The following NALF1 variants were observed in gnomAD, a reference collection of about 807,000 sequenced individuals.
NALF1 encodes NALCN channel auxiliary factor 1, also known as family with sequence similarity 155 member A.
Under a neutral mutation model 48.4 loss-of-function variants are expected in NALF1, and 3 were observed. That is an observed-to-expected ratio of 0.06 (90% confidence interval 0.03 to 0.16). NALF1 has a LOEUF of 0.16. Among genes scored for constraint, NALF1 ranks in the 10% least tolerant of loss-of-function variants. The pLI is 1.00. For synonymous variants in NALF1, 262 were observed against 245.7 expected, an observed-to-expected ratio of 1.07 and a Z score of -0.62; for missense variants, 526 against 571.5, an observed-to-expected ratio of 0.92 and a Z score of 0.81.
intron 1 of NALF1, among the ~76,000 whole-genome samples, chr13:107,714,492 A>T (rs1459318149): frequency 1.3e-5 from 2 of 151,832 alleles, no homozygotes; most frequent in African/African-American, 4.8e-5. Flanking sequence ...ACATGGTAAA[A>T]CCCTATCTCT....
At chr13:107,830,632 G>A (rs1425998150) in intron 1 of NALF1, among the ~76,000 whole-genome samples, 2 of 152,118 alleles carry the variant, frequency 1.3e-5, no homozygotes, top group Non-Finnish European at 2.9e-5. Flanking sequence ...TCAATTTCGG[G>A]GAGCGGGGGG....
chr13:107,481,298 C>T (rs962268650), intron 1 of NALF1, among the ~76,000 whole-genome samples: 2 of 152,056 alleles, frequency 1.3e-5, no homozygotes, highest in Admixed American at 6.6e-5. Flanking sequence ...ACTGCCCATC[C>T]CTAAAATGCC....
At chr13:107,382,739 TG>T (rs1458374790) in intron 1 of NALF1, among the ~76,000 whole-genome samples, 1 of 152,196 alleles carries the variant, frequency 6.6e-6, no homozygotes, top group Non-Finnish European at 1.5e-5. Context: ...ATTGGTCGTT[TG>T]GTAAAATGCC....
At chr13:107,205,096 G>A (rs1162139597) in intron 2 of NALF1, among the ~76,000 whole-genome samples, 2 of 151,806 alleles carry the variant, frequency 1.3e-5, no homozygotes, top group Admixed American at 6.6e-5. Flanking sequence ...CGCTGGTGGA[G>A]CTGCACCCAC....
At chr13:107,288,526 CTT>C (rs368901866) in intron 1 of NALF1, among the ~76,000 whole-genome samples, 11 of 119,074 alleles carry the variant, frequency 9.2e-5, no homozygotes, top group Non-Finnish European at 1.0e-4. Flanking sequence ...AGCCTGAAAA[CTT>C]TTTTTTTTTT....
chr13:107,699,244 T>G (rs1471292040), intron 1 of NALF1, among the ~76,000 whole-genome samples: 1 of 152,052 alleles, frequency 6.6e-6, no homozygotes, highest in Non-Finnish European at 1.5e-5. Flanking sequence ...TGAATCTTTC[T>G]CAAATAAATA....
At chr13:107,831,781 A>G (rs760207028) in intron 1 of NALF1, among the ~76,000 whole-genome samples, 1 of 152,222 alleles carries the variant, frequency 6.6e-6, no homozygotes, top group Non-Finnish European at 1.5e-5. Flanking sequence ...GTTGAAAACA[A>G]TGTATGCCAC....
chr13:107,349,043 A>T (rs546969949), intron 1 of NALF1, among the ~76,000 whole-genome samples: 1 of 152,332 alleles, frequency 6.6e-6, no homozygotes, highest in South Asian at 2.1e-4. Flanking sequence ...CCAGTACTGC[A>T]CACTGTGTGT....
At chr13:107,508,758 C>A (rs1158054233) in intron 1 of NALF1, among the ~76,000 whole-genome samples, 2 of 152,010 alleles carry the variant, frequency 1.3e-5, no homozygotes, top group Non-Finnish European at 2.9e-5. Flanking sequence ...CCCAATCTCA[C>A]AACTGATGCA....
intron 1 of NALF1, among the ~76,000 whole-genome samples, chr13:107,559,641 C>A (rs1001380137): frequency 2.0e-5 from 3 of 152,078 alleles, no homozygotes; most frequent in Non-Finnish European, 2.9e-5. Flanking sequence ...TTCTCCTCTG[C>A]GTCCTTATAA....
chr13:107,268,424 C>CCA (rs59222169), intron 1 of NALF1, among the ~76,000 whole-genome samples: 26 of 151,354 alleles, frequency 1.7e-4, no homozygotes, highest in South Asian at 2.1e-4. Flanking sequence ...TATACAACAC[C>CCA]CACACACACA....
intron 1 of NALF1, among the ~76,000 whole-genome samples, chr13:107,722,167 T>C (rs1313646259): frequency 6.6e-6 from 1 of 152,092 alleles, no homozygotes; most frequent in Non-Finnish European, 1.5e-5. Flanking sequence ...CACATGGTCT[T>C]ATCATAAAGG....
chr13:107,822,540 A>T (rs942269257), intron 1 of NALF1, among the ~76,000 whole-genome samples: 1 of 152,210 alleles, frequency 6.6e-6, no homozygotes, highest in Non-Finnish European at 1.5e-5. Flanking sequence ...TACACACCCC[A>T]AAATGAGAAC....
Position 107,292,376 on chromosome 13 carries a change from T to G in NALF1, c.916-81621A>C, listed in dbSNP as rs183407299. On this transcript the variant is annotated intron_variant, in intron 1 of 2. Coordinates refer to ENST00000375915, the MANE Select transcript of NALF1 (RefSeq NM_001080396.3). ...TTACTGTACACTAATTTTTTTAAAC[T>G]TTTTTTCTCTTTTGTAATAACACTT... is the stretch of plus-strand genomic sequence containing the variant. 1.0e-3 allele frequency among the ~76,000 whole-genome samples: 159 copies of G among 152,314 alleles called. 2 individuals carry two copies. Among genetic ancestry groups the G allele is most frequent in the Middle Eastern group, 6.8e-3 (2 of 292 alleles).
chr13:107,230,931 A>G (rs1190987052), intron 1 of NALF1, among the ~76,000 whole-genome samples: 2 of 151,906 alleles, frequency 1.3e-5, no homozygotes, highest in East Asian at 3.9e-4. Context: ...ATTGGGGTGT[A>G]TGCCTATAAT....
intron 1 of NALF1, among the ~76,000 whole-genome samples, chr13:107,760,783 T>C (rs1877239975): frequency 6.6e-6 from 1 of 152,220 alleles, no homozygotes; most frequent in South Asian, 2.1e-4. Context: ...GTGCTCTTCC[T>C]TCTTCTATAG....
chr13:107,524,449 T>A (rs1876360783), intron 1 of NALF1, among the ~76,000 whole-genome samples: 2 of 152,064 alleles, frequency 1.3e-5, no homozygotes, highest in Admixed American at 1.3e-4. Flanking sequence ...GGTTTCTATG[T>A]TAATACAATG....
intron 1 of NALF1, among the ~76,000 whole-genome samples, chr13:107,328,003 C>T (rs1356960810): frequency 1.3e-5 from 2 of 152,054 alleles, no homozygotes; most frequent in African/African-American, 2.4e-5. Context: ...TCACCACAGC[C>T]TCAACCTCCA....
chr13:107,260,567 C>T (rs1880910435), intron 1 of NALF1, among the ~76,000 whole-genome samples: 1 of 152,190 alleles, frequency 6.6e-6, no homozygotes, highest in Non-Finnish European at 1.5e-5. Context: ...TCTGTTTCTT[C>T]CATTCCTTAA....
Sources: gnomAD v4.1 joint callset for allele counts (sites outside exome capture counted in the v4.1 genomes callset) on GRCh38, gnomAD v4.1.1 for gene constraint, MANE v1.5 for transcripts, NCBI Gene and HGNC (gene_info 2026-07-23, HGNC 2026-07-21) for gene names.